The following FKBP9 variants were observed in gnomAD, a reference collection of about 807,000 sequenced individuals.
The protein encoded by FKBP9 is peptidyl-prolyl cis-trans isomerase FKBP9.
In FKBP9, 27 loss-of-function variants were observed where a neutral mutation model predicts 55.6. The ratio of observed to expected loss-of-function variants is 0.49; its 90% confidence interval spans 0.36 to 0.67. The LOEUF (loss-of-function observed/expected upper bound fraction) is 0.67. Ranked by LOEUF, FKBP9 falls within the 30% of genes least tolerant of loss-of-function variation. The pLI, the probability that FKBP9 is intolerant of heterozygous loss-of-function variation, is 0.00. For synonymous variants in FKBP9, 267 were observed against 296.5 expected (o/e 0.90, Z 1.02); for missense variants, 539 against 742.8 (o/e 0.73, Z 3.19).
At chr7:32,959,196 G>C (rs1427131140) in intron 1 of FKBP9, among the ~76,000 whole-genome samples, 1 of 152,118 alleles carries the variant, frequency 6.6e-6, no homozygotes, top group Non-Finnish European at 1.5e-5. Flanking sequence ...ACGAGGTCAG[G>C]AGATCGAGAC....
At position 33,005,939 on chromosome 7, in the gene FKBP9, C is replaced by T; in HGVS notation, c.*588C>T. 4.3e-6 allele frequency: 1 copy of T among 232,398 alleles called. No homozygotes were observed. The highest frequency in any genetic ancestry group is 8.5e-6 in the Non-Finnish European group (1 of 117,630). 14.4% of individuals were successfully genotyped at this position (232,398 alleles called of 1,614,324 possible). A position where few individuals can be genotyped will look rare whatever the true frequency, so the allele number is the denominator to read the frequency against. On this transcript the variant is annotated 3_prime_UTR_variant, in exon 10 of 10. Coordinates refer to ENST00000242209, the MANE Select transcript of FKBP9 (RefSeq NM_007270.5). Reference sequence around the variant, plus strand: ...GCTTTTCCAGCTCATCACACCCCGCCCCACTATGGGCCTACCATTAATAGT... The same window carrying T: ...GCTTTTCCAGCTCATCACACCCCGCTCCACTATGGGCCTACCATTAATAGT...
Position 32,988,521 on chromosome 7 carries a change from G to T in FKBP9, c.908G>T (p.Arg303Leu), listed in dbSNP as rs373173933. The change falls in exon 6 of 10, where the codon CGC (arginine) becomes CTC (leucine). Residue 303 changes from arginine (R) to leucine (L), a missense_variant. By Grantham distance (102) the Arg-to-Leu change is moderately radical (BLOSUM62 -2). Transcript: ENST00000242209. ...TLFDSSYSRNRTFDTYIGQGY... is the reference protein window; with the variant it reads ...TLFDSSYSRNLTFDTYIGQGY... ...TTCTTTTCTAGCTACTCTCGGAACC[G>T]CACGTTTGACACGTACATTGGGCAG... The T allele has an allele frequency of 1.2e-5, 19 of 1,613,674 alleles. No homozygotes were observed. The highest frequency in any genetic ancestry group is 5.0e-5 in the Admixed American group (3 of 59,988).
chr7:32,973,303 AT>A (rs917596159), intron 1 of FKBP9, among the ~76,000 whole-genome samples: 85 of 152,270 alleles, frequency 5.6e-4, no homozygotes, highest in African/African-American at 2.0e-3. Context: ...TTATCTTTTG[AT>A]CTAAGGCTGT....
intron 6 of FKBP9, among the ~76,000 whole-genome samples, chr7:32,990,559 TA>T (rs546103107): frequency 3.7e-4 from 56 of 151,704 alleles, no homozygotes; most frequent in African/African-American, 1.4e-3. Context: ...TGTATAGGTT[TA>T]AAAAAAAATG....
At position 32,964,556 on chromosome 7, in the gene FKBP9, G is replaced by A. The variant is rs145174136; in HGVS notation, c.221+6762G>A. 6.1e-3 allele frequency among the ~76,000 whole-genome samples: 925 copies of A among 152,232 alleles called. 11 individuals carry two copies. Among genetic ancestry groups the A allele is most frequent in the African/African-American group, 0.021 (876 of 41,516 alleles). ...TCTCTGAGGAGCTATGAATGGAGGC[G>A]TTCTCTTTCATTTCTTCTCTGTTCC... On this transcript the variant is annotated intron_variant, in intron 1 of 9. Coordinates refer to ENST00000242209, the MANE Select transcript of FKBP9 (RefSeq NM_007270.5).
chr7:32,966,187 T>C, intron 1 of FKBP9, among the ~76,000 whole-genome samples: 1 of 29,908 alleles, frequency 3.3e-5, no homozygotes, highest in African/African-American at 9.0e-5. Flanking sequence ...TGAGACGCCA[T>C]CTCAAAAAAA....
rs528190946 is a variant in FKBP9, at chr7:32,981,992, G to A, written c.893+1439G>A. On this transcript the variant is annotated intron_variant, in intron 5 of 9. Coordinates refer to ENST00000242209, the MANE Select transcript of FKBP9 (RefSeq NM_007270.5). ...CCCCTTAGAGTTAACCATCTTTATT[G>A]GTTTCTATTTTTAATTTTTCCAATG... is the stretch of plus-strand genomic sequence containing the variant. Among the ~76,000 whole-genome samples the A allele has an allele frequency of 1.0e-4, 15 of 150,148 alleles. No individual in the cohort carries two copies. The East Asian group carries it at 2.7e-3, about 27-fold the overall frequency.
At chr7:32,981,613 G>T (rs2127983270) in intron 5 of FKBP9, among the ~76,000 whole-genome samples, 1 of 152,122 alleles carries the variant, frequency 6.6e-6, no homozygotes, top group South Asian at 2.1e-4. Flanking sequence ...TTTGTATATG[G>T]CATTATTTCA....
chr7:32,984,659 C>T (rs571558818), intron 5 of FKBP9, among the ~76,000 whole-genome samples: 1 of 152,180 alleles, frequency 6.6e-6, no homozygotes, highest in African/African-American at 2.4e-5. Flanking sequence ...ACCATGAGAT[C>T]GCCAGTGTTA....
At chr7:32,973,932 T>C (rs936820864) in intron 1 of FKBP9, among the ~76,000 whole-genome samples, 14 of 151,302 alleles carry the variant, frequency 9.3e-5, no homozygotes, top group African/African-American at 3.4e-4. Flanking sequence ...CCTCAGGTGA[T>C]CCACTCTCCT....
rs192269524 is a variant in FKBP9, at chr7:32,966,930, A to G, written c.222-7687A>G. Among the ~76,000 whole-genome samples the G allele has an allele frequency of 8.2e-3, 1,248 of 152,274 alleles. 20 individuals are homozygous for G. Among genetic ancestry groups the G allele is most frequent in the African/African-American group, 0.029 (1,191 of 41,576 alleles). On this transcript the variant is annotated intron_variant, in intron 1 of 9. Transcript: ENST00000242209. ...CCCCACCTCCAACACTGGGGATTAC[A>G]TTTCAACATGAGATTTGGCATGGAC...
At position 32,988,677 on chromosome 7, in the gene FKBP9, C is replaced by A. The variant is rs529018899; in HGVS notation, c.1039+25C>A. 9 of 1,612,104 alleles carry A rather than the reference C, an allele frequency of 5.6e-6. No individual in the cohort carries two copies. The South Asian group carries it at 7.7e-5, about 14-fold the overall frequency. ...GGTGAGCATCAGCATCACCTGCCTT[C>A]CTCACTAGCTGTGGCTGCTTCCACA... On this transcript the variant is annotated intron_variant, in intron 6 of 9. Coordinates refer to ENST00000242209, the MANE Select transcript of FKBP9 (RefSeq NM_007270.5).
intron 1 of FKBP9, among the ~76,000 whole-genome samples, chr7:32,972,725 C>T (rs1174247882): frequency 6.6e-6 from 1 of 152,076 alleles, no homozygotes; most frequent in Non-Finnish European, 1.5e-5. Flanking sequence ...TGTTCCCCCC[C>T]CACCCTTTTT....
chr7:32,993,285 T>C (rs1784719134), intron 6 of FKBP9, among the ~76,000 whole-genome samples: 1 of 152,150 alleles, frequency 6.6e-6, no homozygotes, highest in South Asian at 2.1e-4. Flanking sequence ...ATATTCACAA[T>C]GTTGTATAAC....
rs761817386 is a variant in FKBP9 at position 32,976,380 on chromosome 7, C to T, written c.584C>T (p.Thr195Met). The T allele has an allele frequency of 8.7e-6, 14 of 1,613,722 alleles. No homozygotes were observed. The highest frequency in any genetic ancestry group is 1.1e-5 in the Non-Finnish European group (13 of 1,179,858). Residue 195 changes from threonine to methionine, a missense_variant, in exon 4 of 10, where the codon ACG (threonine) becomes ATG (methionine). By Grantham distance (81) the Thr-to-Met change is moderately conservative. Around this residue, in one of 4 missense-constraint regions of FKBP9, gnomAD observed 236 missense variants for 271.5 expected, o/e 0.87. Transcript: ENST00000242209. ...CACAATCGCATGAAAACATATGACACGTATGTGGGAATTGGCTGGCTGATT... is the reference window on the plus strand; with the variant it reads ...CACAATCGCATGAAAACATATGACATGTATGTGGGAATTGGCTGGCTGATT... ...SSHNRMKTYD[T>M]YVGIGWLIPG...
chr7:32,965,401 G>A (rs1784113138), intron 1 of FKBP9, among the ~76,000 whole-genome samples: 1 of 152,074 alleles, frequency 6.6e-6, no homozygotes, highest in Non-Finnish European at 1.5e-5. Context: ...AACGTGCTGG[G>A]ATTACCGCTT....
At chr7:32,962,020 C>G (rs1784035780) in intron 1 of FKBP9, among the ~76,000 whole-genome samples, 1 of 151,982 alleles carries the variant, frequency 6.6e-6, no homozygotes, top group Non-Finnish European at 1.5e-5. Flanking sequence ...AACCATCCCC[C>G]CACCCCGGTC....
At chr7:32,962,080 G>T (rs1040377562) in intron 1 of FKBP9, among the ~76,000 whole-genome samples, 12 of 152,054 alleles carry the variant, frequency 7.9e-5, no homozygotes, top group Non-Finnish European at 1.5e-4. Context: ...GGCCAAAAAG[G>T]TTGGGGACCA....
chr7:32,979,435 C>T (rs1440438260), intron 4 of FKBP9: 84 of 1,242,524 alleles, frequency 6.8e-5, no homozygotes, highest in Non-Finnish European at 9.0e-5. Context: ...GCTGACTCAG[C>T]AGCCGGCTTT....
Sources: allele counts gnomAD v4.1 joint callset (sites outside exome capture counted in the v4.1 genomes callset), GRCh38; gene constraint gnomAD v4.1.1; regional missense constraint gnomAD v4.1.1; transcripts MANE v1.5; gene names NCBI Gene and HGNC (gene_info 2026-07-23, HGNC 2026-07-21).